NUP188: variants seen among roughly 807,000 people sequenced by gnomAD.
NUP188 encodes nucleoporin 188.
A neutral mutation model predicts 223.0 loss-of-function variants in NUP188; 97 were observed. The observed-to-expected ratio is 0.43, with a 90% CI of 0.37 to 0.51. NUP188 has a LOEUF of 0.51. Among genes scored for constraint, NUP188 ranks in the 20% least tolerant of loss-of-function variants. The pLI is 0.00. For missense variants in NUP188, 1,947 were observed against 2,175.6 expected (o/e 0.89, Z 2.09); for synonymous variants, 869 against 828.0 (o/e 1.05, Z -0.85).
At chr9:128,951,390 G>A (rs1339897489) in intron 2 of NUP188, among the ~76,000 whole-genome samples, 3 of 151,332 alleles carry the variant, frequency 2.0e-5, no homozygotes, top group Non-Finnish European at 4.4e-5. Flanking sequence ...GTGGTGGAAA[G>A]ATCGCTTAAG....
intron 8 of NUP188, among the ~76,000 whole-genome samples, chr9:128,966,162 T>TGTGTGC (rs1554828488): frequency 6.8e-6 from 1 of 146,886 alleles, no homozygotes; most frequent in African/African-American, 2.6e-5. Flanking sequence ...TGTGTGTGTG[T>TGTGTGC]GTGTGTGCGT....
chr9:128,953,700 G>C (rs1391094807), intron 3 of NUP188, among the ~76,000 whole-genome samples: 1 of 152,022 alleles, frequency 6.6e-6, no homozygotes, highest in East Asian at 1.9e-4. Context: ...TCACATTTAG[G>C]TACCCTTATC....
intron 14 of NUP188, 29 bp downstream of exon 14, chr9:128,980,754 G>C (rs1471800343): frequency 6.2e-7 from 1 of 1,609,414 alleles, no homozygotes; most frequent in Non-Finnish European, 8.5e-7. Flanking sequence ...TAAGTAAAGA[G>C]AATGGGAGAT....
chr9:129,005,490 G>A lies in NUP188; in HGVS notation c.4697G>A (p.Arg1566His), dbSNP rs781614290. ...CTCAGCAAGACGCTGGCAGCCCTGC[G>A]CCACTTCACCCCAGATGTCTGCCAG... ...KILSKTLAAL[R>H]HFTPDVCQIL... Residue 1566 changes from arginine to histidine, a missense_variant, in exon 40 of 44, where the codon CGC (arginine) becomes CAC (histidine). Physicochemically the swap from Arg to His is conservative, Grantham distance 29. Transcript: ENST00000372577. 20 of 1,605,756 alleles carry A rather than the reference G, an allele frequency of 1.2e-5. No homozygotes were observed. Among genetic ancestry groups the A allele is most frequent in the Admixed American group, 5.0e-5 (3 of 59,988 alleles).
Position 128,993,197 on chromosome 9 carries a change from G to A in NUP188, c.2641G>A (p.Val881Met). Reference protein sequence around the residue: ...AIQLLKRLATVAPMSVYACLG... With the variant: ...AIQLLKRLATMAPMSVYACLG... ...GCCTGTGTGTTCCGGTCTCCACCAG[G>A]TGGCCCCAATGTCAGTGTATGCTTG... The change falls in exon 26 of 44, where the codon GTG (valine) becomes ATG (methionine). Residue 881 changes from valine to methionine, a missense_variant and splice_region_variant. Val to Met is a conservative substitution (Grantham distance 21). Coordinates refer to ENST00000372577, the MANE Select transcript of NUP188 (RefSeq NM_015354.3). The A allele has an allele frequency of 6.2e-7, 1 of 1,613,632 alleles. No homozygotes were observed. Among genetic ancestry groups the A allele is most frequent in the Non-Finnish European group, 8.5e-7 (1 of 1,179,546 alleles).
chr9:128,954,631 G>T (rs187035653), intron 3 of NUP188, among the ~76,000 whole-genome samples: 2 of 151,250 alleles, frequency 1.3e-5, no homozygotes, highest in Admixed American at 1.3e-4. Context: ...TGATCCGCCC[G>T]CCTCGGCCTC....
chr9:129,003,998 CG>C (rs1407717031), intron 38 of NUP188: 4 of 209,362 alleles, frequency 1.9e-5, no homozygotes, highest in Non-Finnish European at 3.7e-5. Flanking sequence ...AAAAAATGGC[CG>C]GGTGCAATAG....
chr9:128,983,486 C>A lies in NUP188; in HGVS notation c.1897C>A (p.Leu633Ile), dbSNP rs1392309198. The A allele has an allele frequency of 6.8e-6, 11 of 1,614,014 alleles. No individual in the cohort carries two copies. The highest frequency in any genetic ancestry group is 2.7e-5 in the African/African-American group (2 of 74,904). ...TTTTCCTTCTCAGGTCTGGACTGATCTTCGTCACACAGGTTTTTTACCATT... is the reference window on the plus strand; with the variant it reads ...TTTTCCTTCTCAGGTCTGGACTGATATTCGTCACACAGGTTTTTTACCATT... ...ARNPAKVWTD[L>I]RHTGFLPFVA... is the part of the protein sequence containing the mutation. Residue 633 changes from leucine to isoleucine, a missense_variant, in exon 19 of 44, where the codon CTT becomes ATT. Around this residue, in one of 3 missense-constraint regions of NUP188, gnomAD observed 817 missense variants for 865.8 expected, o/e 0.94. Transcript: ENST00000372577.
At chr9:128,992,483 CTG>C (rs1842449943) in intron 25 of NUP188, among the ~76,000 whole-genome samples, 1 of 152,268 alleles carries the variant, frequency 6.6e-6, no homozygotes, top group Non-Finnish European at 1.5e-5. Flanking sequence ...GCGTGAGCCA[CTG>C]TGCCTGGCCC....
chr9:128,972,386 G>T (rs756530409), intron 11 of NUP188, among the ~76,000 whole-genome samples: 1 of 152,196 alleles, frequency 6.6e-6, no homozygotes, highest in African/African-American at 2.4e-5. Context: ...TCTGGAGAAG[G>T]CAAAACCTTG....
rs941240869 is a variant in NUP188 at position 128,981,541 on chromosome 9, G to A, written c.1516+151G>A. ...GATTCTCCCACCTTAGCCTCCCAAA[G>A]CACTGGGATTATAGACGTGAGCCAA... On this transcript the variant is annotated intron_variant, in intron 15 of 43. Transcript: ENST00000372577. 3.0e-5 allele frequency: 23 copies of A among 756,464 alleles called. No individual in the cohort carries two copies. The African/African-American group carries it at 3.7e-4, about 12-fold the overall frequency. The allele number at this position is 756,464 out of a possible 1,614,324, so 46.9% of individuals were successfully genotyped here.
In NUP188 at chr9:128,982,823, T is replaced by C. The variant is rs17481282; in HGVS notation, c.1670-79T>C. 5,233 of 1,594,344 alleles carry C rather than the reference T, an allele frequency of 3.3e-3. 153 individuals carry two copies. The East Asian group carries it at 0.057, about 17-fold the overall frequency. The stretch of plus-strand genomic sequence containing the variant: ...TCAAGATTGTGATTTGTCTGATTTG[T>C]GTATCTGGGTCTCAGAGACTGTTCA... On this transcript the variant is annotated intron_variant, in intron 16 of 43. Transcript: ENST00000372577.
rs760350240 is a variant in NUP188, at chr9:129,006,487, C to CT, written c.5074-8dup. ...AGATGTGCTGAGCCTCACCAAGCCA[C>CT]TTTTTTTCTTGTAGAGCACGCTGCT... is the stretch of plus-strand genomic sequence containing the variant. On this transcript the variant is annotated splice_polypyrimidine_tract_variant and intron_variant, in intron 43 of 43. Coordinates refer to ENST00000372577, the MANE Select transcript of NUP188 (RefSeq NM_015354.3). 1 of 1,611,912 alleles carries CT rather than the reference C, an allele frequency of 6.2e-7. No individual in the cohort carries two copies. Among genetic ancestry groups the CT allele is most frequent in the Non-Finnish European group, 8.5e-7 (1 of 1,179,134 alleles).
Position 129,006,234 on chromosome 9 carries a change from C to A in NUP188, c.4944-5C>A, listed in dbSNP as rs1315381889. The A allele has an allele frequency of 6.2e-7, 1 of 1,614,180 alleles. No homozygotes were observed. The highest frequency in any genetic ancestry group is 2.2e-5 in the East Asian group (1 of 44,876). On this transcript the variant is annotated splice_region_variant and splice_polypyrimidine_tract_variant and intron_variant, in intron 42 of 43. Coordinates refer to ENST00000372577, the MANE Select transcript of NUP188 (RefSeq NM_015354.3). ...GCAGTACCAAAAACCTGTGTCTCCT[C>A]CCAGGTCCCTCCTGATGTTTACCAT...
intron 12 of NUP188, among the ~76,000 whole-genome samples, chr9:128,975,667 A>G (rs17432952): frequency 3.1e-4 from 47 of 150,848 alleles, no homozygotes; most frequent in Non-Finnish European, 6.5e-4. Context: ...TTACAGGTGT[A>G]CGCCACCACG....
Position 129,001,961 on chromosome 9 carries a change from C to A in NUP188, c.4122C>A (p.Thr1374=), listed in dbSNP as rs760572047. The change falls in exon 36 of 44, where the codon ACC becomes ACA. Residue 1374 remains threonine, a synonymous_variant. Transcript: ENST00000372577. Reference sequence around the variant, plus strand: ...TTCTGAGTGTGTACCAGCTGAGCACCAACGGCACAGCACAGGTGAGTGTCA... The same window carrying A: ...TTCTGAGTGTGTACCAGCTGAGCACAAACGGCACAGCACAGGTGAGTGTCA... ...LPLLSVYQLS[T]NGTAQTPSAS... The A allele has an allele frequency of 2.5e-6, 4 of 1,613,704 alleles. No individual in the cohort carries two copies. Among genetic ancestry groups the A allele is most frequent in the Non-Finnish European group, 3.4e-6 (4 of 1,179,584 alleles).
chr9:128,986,411 A>C (rs1842334008), intron 20 of NUP188, 147 bp from the exon 21 acceptor site: 2 of 780,924 alleles, frequency 2.6e-6, no homozygotes, highest in Admixed American at 6.3e-5. Context: ...ATAAAGTAGG[A>C]CTTTTGATGT....
chr9:128,953,043 T>TA (rs1466253126), intron 3 of NUP188, 197 bp downstream of exon 3: 1 of 526,716 alleles, frequency 1.9e-6, no homozygotes, highest in African/African-American at 2.0e-5. Flanking sequence ...CTTCTAGAAA[T>TA]ACAGTATTGT....
Position 128,956,182 on chromosome 9 carries a change from G to GGTGTGT in NUP188, c.162-144_162-139dup, listed in dbSNP as rs60109270. 7.3e-4 allele frequency among the ~76,000 whole-genome samples: 98 copies of GGTGTGT among 134,726 alleles called. 1 individual carries two copies. Among genetic ancestry groups the GGTGTGT allele is most frequent in the Middle Eastern group, 4.0e-3 (1 of 252 alleles). 88.4% of individuals were successfully genotyped at this position (134,726 alleles called of 152,430 possible). A position where few individuals can be genotyped will look rare whatever the true frequency, so the allele number is the denominator to read the frequency against. On this transcript the variant is annotated intron_variant, in intron 3 of 43. Transcript: ENST00000372577. ...GTTATGAAGTTTGTAGAGGTGAATG[G>GGTGTGT]GTGTGTGTGTGTGTGTGTGTGTGTG...
Sources: gnomAD v4.1 joint callset for allele counts (sites outside exome capture counted in the v4.1 genomes callset) on GRCh38, gnomAD v4.1.1 for gene constraint, gnomAD v4.1.1 regional missense constraint, MANE v1.5 for transcripts, NCBI Gene and HGNC (gene_info 2026-07-23, HGNC 2026-07-21) for gene names.